Variants in ADCY2 observed in about 807,000 individuals in gnomAD.
The protein encoded by ADCY2 is adenylate cyclase type 2.
Under a neutral mutation model 125.2 loss-of-function variants are expected in ADCY2, and 31 were observed. The observed-to-expected ratio is 0.25, with a 90% CI of 0.19 to 0.33. ADCY2 has a LOEUF of 0.33. Ranked by LOEUF, ADCY2 falls within the 10% of genes least tolerant of loss-of-function variation. The probability of loss-of-function intolerance (pLI) is 1.00; values close to 1 mark genes in which losing one functional copy is unlikely to be tolerated. For synonymous variants in ADCY2, 512 were observed against 548.4 expected (o/e 0.93, Z 0.93); for missense variants, 904 against 1,418.2 (o/e 0.64, Z 5.82).
intron 14 of ADCY2, among the ~76,000 whole-genome samples, chr5:7,734,832 TCC>T (rs1742199342): frequency 1.3e-5 from 2 of 152,320 alleles, no homozygotes; most frequent in Non-Finnish European, 2.9e-5. Flanking sequence ...AAGCCATGGT[TCC>T]AGAAGCCAAA....
intron 19 of ADCY2, among the ~76,000 whole-genome samples, chr5:7,788,666 T>A (rs1005684717): frequency 1.3e-5 from 2 of 152,238 alleles, no homozygotes; most frequent in Admixed American, 1.3e-4. Flanking sequence ...TAAATTTTTT[T>A]AATTCCCATT....
intron 15 of ADCY2, among the ~76,000 whole-genome samples, chr5:7,749,206 C>G (rs10052245): frequency 0.36 from 54,203 of 152,020 alleles, 10,643 homozygotes; most frequent in Non-Finnish European, 0.44. Flanking sequence ...TGTTTTTCAG[C>G]TGTTGGTCCC....
chr5:7,746,894 G>A (rs141702403), intron 15 of ADCY2, among the ~76,000 whole-genome samples: 5 of 152,246 alleles, frequency 3.3e-5, no homozygotes, highest in African/African-American at 9.6e-5. Context: ...CACAGAAAGC[G>A]TAATGCCAAT....
intron 2 of ADCY2, among the ~76,000 whole-genome samples, chr5:7,465,105 A>G (rs190830336): frequency 2.0e-5 from 3 of 152,294 alleles, no homozygotes; most frequent in Admixed American, 6.5e-5. Flanking sequence ...CACCCCCATG[A>G]TTCAGTTATC....
At chr5:7,651,471 A>G (rs966841960) in intron 4 of ADCY2, among the ~76,000 whole-genome samples, 2 of 152,180 alleles carry the variant, frequency 1.3e-5, no homozygotes, top group Non-Finnish European at 2.9e-5. Flanking sequence ...TGAAAGTCCA[A>G]GAGAACTTGA....
At chr5:7,498,358 C>T (rs1051618546) in intron 2 of ADCY2, among the ~76,000 whole-genome samples, 2 of 148,656 alleles carry the variant, frequency 1.3e-5, no homozygotes, top group Non-Finnish European at 3.0e-5. Context: ...ACGCCATTCT[C>T]CTGCCTCAGC....
At chr5:7,612,342 C>A (rs769809541) in intron 3 of ADCY2, among the ~76,000 whole-genome samples, 8 of 152,160 alleles carry the variant, frequency 5.3e-5, no homozygotes, top group Non-Finnish European at 1.2e-4. Context: ...GGCTTTTATG[C>A]AATGCAGATA....
At chr5:7,511,400 C>G (rs1319981287) in intron 2 of ADCY2, among the ~76,000 whole-genome samples, 1 of 151,854 alleles carries the variant, frequency 6.6e-6, no homozygotes, top group African/African-American at 2.4e-5. Flanking sequence ...ATGGTGAAAC[C>G]CCGTCTCTAC....
rs1739044963 is a variant in ADCY2, at chr5:7,396,491, C to G, written c.195C>G (p.Phe65Leu). The G allele has an allele frequency of 1.3e-6, 2 of 1,566,402 alleles. No homozygotes were observed. The highest frequency in any genetic ancestry group is 2.8e-5 in the African/African-American group (2 of 70,734). The change falls in exon 1 of 25, where the codon TTC becomes TTG. Residue 65 changes from phenylalanine (F) to leucine (L), a missense_variant. Phe to Leu is a conservative substitution (Grantham distance 22, BLOSUM62 0). Coordinates refer to ENST00000338316, the MANE Select transcript of ADCY2 (RefSeq NM_020546.3). This position sits in a 1 kb window ranked among gnomAD's most constrained non-coding sequence, Gnocchi z 5.7. ...CCTGCCTCGCCCTGCTCGCCGTCTT[C>G]TTCGCGCTCGGGCTGGTGAGTGGCC... ...MGSCLALLAVFFALGLEVEDH... is the reference protein window; with the variant it reads ...MGSCLALLAVLFALGLEVEDH...
At chr5:7,464,691 A>T (rs1742039920) in intron 2 of ADCY2, among the ~76,000 whole-genome samples, 1 of 152,134 alleles carries the variant, frequency 6.6e-6, no homozygotes, top group Non-Finnish European at 1.5e-5. Flanking sequence ...TGAACATTGG[A>T]TGTGAAGGAG....
At chr5:7,418,375 C>T (rs182157768) in intron 2 of ADCY2, among the ~76,000 whole-genome samples, 6 of 152,296 alleles carry the variant, frequency 3.9e-5, no homozygotes, top group Admixed American at 3.9e-4. Context: ...AGGAGCACAG[C>T]TATGTCTGCT....
chr5:7,431,365 TC>T (rs1740593660), intron 2 of ADCY2, among the ~76,000 whole-genome samples: 1 of 152,170 alleles, frequency 6.6e-6, no homozygotes, highest in Admixed American at 6.5e-5. Flanking sequence ...AAACTTCTAC[TC>T]TTACCTCACA....
chr5:7,791,945 G>A (rs1012746408), intron 20 of ADCY2, among the ~76,000 whole-genome samples: 9 of 152,066 alleles, frequency 5.9e-5, no homozygotes, highest in African/African-American at 2.4e-5. Context: ...GGAGACGGGG[G>A]CCAGGGGGAG....
chr5:7,520,685 C>G (rs1744409642), intron 2 of ADCY2, 53 bp from the exon 3 acceptor site: 6 of 1,602,650 alleles, frequency 3.7e-6, no homozygotes, highest in Non-Finnish European at 5.1e-6. Context: ...ACAGGAGGCT[C>G]TTAGAAACCA....
At chr5:7,814,893 G>A (rs326152) in intron 22 of ADCY2, among the ~76,000 whole-genome samples, 1 of 152,078 alleles carries the variant, frequency 6.6e-6, no homozygotes, top group Non-Finnish European at 1.5e-5. Context: ...AGCAGCCCCA[G>A]GTTCCATTTC....
intron 14 of ADCY2, among the ~76,000 whole-genome samples, chr5:7,740,703 G>T (rs1438083888): frequency 1.3e-5 from 2 of 152,014 alleles, no homozygotes; most frequent in Non-Finnish European, 2.9e-5. Context: ...TCAGACTTCT[G>T]AGTTACTTTT....
intron 12 of ADCY2, among the ~76,000 whole-genome samples, chr5:7,718,177 C>A (rs1470078231): frequency 1.7e-5 from 2 of 120,992 alleles, no homozygotes; most frequent in Non-Finnish European, 3.2e-5. Flanking sequence ...GAGACAGAGT[C>A]TCGCTCTGTT....
chr5:7,815,555 A>G (rs1205149436), intron 22 of ADCY2, among the ~76,000 whole-genome samples: 1 of 152,268 alleles, frequency 6.6e-6, no homozygotes, highest in Non-Finnish European at 1.5e-5. Flanking sequence ...ATATACTAAT[A>G]ATGTAACAAA....
chr5:7,525,067 A>T (rs1237831248), intron 3 of ADCY2, among the ~76,000 whole-genome samples: 1 of 151,668 alleles, frequency 6.6e-6, no homozygotes, highest in African/African-American at 2.4e-5. Context: ...CAGTGGTGTA[A>T]TCTCGGCCTG....
Sources: gnomAD v4.1 joint callset for allele counts (sites outside exome capture counted in the v4.1 genomes callset) on GRCh38, gnomAD v4.1.1 for gene constraint, Gnocchi (gnomAD v3.1) non-coding constraint, MANE v1.5 for transcripts, NCBI Gene and HGNC (gene_info 2026-07-23, HGNC 2026-07-21) for gene names.